The following MASP1 variants were observed in gnomAD, a reference collection of about 807,000 sequenced individuals.
The protein encoded by MASP1 is MBL associated serine protease 1, also known as mannan-binding lectin serine protease 1.
A neutral mutation model predicts 77.1 loss-of-function variants in MASP1; 59 were observed. The ratio of observed to expected loss-of-function variants is 0.77; its 90% CI spans 0.62 to 0.95. MASP1 has a LOEUF of 0.95. Among genes scored for constraint, MASP1 ranks in the 40% least tolerant of loss-of-function variants. The pLI, the probability that MASP1 is intolerant of heterozygous loss-of-function variation, is 0.00. For synonymous variants in MASP1, 362 were observed against 354.5 expected (o/e 1.02, Z -0.24); for missense variants, 885 against 912.9 (o/e 0.97, Z 0.39).
chr3:187,254,126 G>A (rs527812165), intron 5 of MASP1, among the ~76,000 whole-genome samples: 5 of 151,932 alleles, frequency 3.3e-5, no homozygotes, highest in African/African-American at 9.7e-5. Flanking sequence ...CTAGTTGGGG[G>A]GACTAATAAG....
exon 16 of MASP1, chr3:187,217,973 A>T (rs1462498926): frequency 6.6e-6 from 1 of 152,224 alleles, no homozygotes; most frequent in Non-Finnish European, 1.5e-5. Context: ...TCCACTGGAC[A>T]TGTGTTTTTG....
intron 1 of MASP1, among the ~76,000 whole-genome samples, chr3:187,290,159 AG>A (rs1427132980): frequency 6.6e-6 from 1 of 152,242 alleles, no homozygotes; most frequent in Non-Finnish European, 1.5e-5. Context: ...CATTTAAACA[AG>A]GGGATACTAC....
At chr3:187,261,685 A>G (rs181178462) in intron 3 of MASP1, among the ~76,000 whole-genome samples, 2 of 152,372 alleles carry the variant, frequency 1.3e-5, no homozygotes, top group East Asian at 3.9e-4. Context: ...AGCTAAACGT[A>G]TACCTATCCT....
exon 15 of MASP1, chr3:187,221,113 G>A (rs1712034599): frequency 2.5e-6 from 4 of 1,613,860 alleles, no homozygotes; most frequent in Non-Finnish European, 3.4e-6. Flanking sequence ...CAGGTGCTGT[G>A]GTCAACAATC....
intron 10 of MASP1, among the ~76,000 whole-genome samples, chr3:187,239,344 C>T (rs1464186265): frequency 6.6e-6 from 1 of 152,112 alleles, no homozygotes; most frequent in Admixed American, 6.5e-5. Context: ...AAGAGCGAAA[C>T]TCTGTCTCAA....
chr3:187,219,999 T>C (rs1210659370), exon 16 of MASP1: 3 of 1,525,874 alleles, frequency 2.0e-6, no homozygotes, highest in Admixed American at 1.7e-5. Flanking sequence ...GAGAAATGGC[T>C]GCTTTCATCG....
chr3:187,247,167 C>A, intron 8 of MASP1: 16 of 1,504,338 alleles, frequency 1.1e-5, no homozygotes, highest in Non-Finnish European at 1.4e-5. Context: ...CTTTCACACA[C>A]GTAGCAGCTT....
intron 2 of MASP1, among the ~76,000 whole-genome samples, chr3:187,282,218 G>A (rs1717473205): frequency 6.6e-6 from 1 of 152,140 alleles, no homozygotes; most frequent in African/African-American, 2.4e-5. Context: ...AGAAGAAAAT[G>A]TGGGCCGGGT....
chr3:187,229,157 G>A (rs1012149990), downstream of MASP1, among the ~76,000 whole-genome samples: 4 of 152,184 alleles, frequency 2.6e-5, no homozygotes, highest in East Asian at 1.9e-4. Flanking sequence ...GAGAGCCATC[G>A]GCTGTTCTCA....
intron 5 of MASP1, among the ~76,000 whole-genome samples, chr3:187,254,171 G>C (rs1714871120): frequency 6.6e-6 from 1 of 152,028 alleles, no homozygotes; most frequent in African/African-American, 2.4e-5. Context: ...GCTGTCATAA[G>C]GGTTATAAAA....
At chr3:187,251,576 C>G (rs1379322675) in intron 7 of MASP1, 58 bp downstream of exon 7, 6 of 1,386,436 alleles carry the variant, frequency 4.3e-6, no homozygotes, top group Non-Finnish European at 5.1e-6. Flanking sequence ...TGGGGAGGGG[C>G]AGGTTTCGAG....
chr3:187,243,923 A>G lies in MASP1; in HGVS notation c.1091-302T>C. 7.0e-6 allele frequency: 3 copies of G among 429,298 alleles called. No individual in the cohort carries two copies. The South Asian group carries it at 7.4e-5, about 11-fold the overall frequency. 26.6% of individuals were successfully genotyped at this position (429,298 alleles called of 1,614,324 possible). A position where few individuals can be genotyped will look rare whatever the true frequency, so the allele number is the denominator to read the frequency against. On this transcript the variant is annotated intron_variant, in intron 8 of 10. Transcript: ENST00000296280. Reference sequence around the variant, plus strand: ...AGGTTTAAGCAGACTCCAGTCTTTTACCCACCAGGGCCTCTTTCTTTTACT... The same window carrying G: ...AGGTTTAAGCAGACTCCAGTCTTTTGCCCACCAGGGCCTCTTTCTTTTACT...
rs770261773 is a variant in MASP1 at position 187,234,272 on chromosome 3, C to T, written c.*1412G>A. 1.6e-5 allele frequency: 20 copies of T among 1,287,114 alleles called. 1 individual carries two copies. In the South Asian group the frequency reaches 2.5e-4, roughly 16 times the overall value. 79.7% of individuals were successfully genotyped at this position (1,287,114 alleles called of 1,614,324 possible). The stretch of plus-strand genomic sequence containing the variant: ...AGAAAGTGGACACTTCCCAATCATT[C>T]CCTCTCAGGGGCTTCTCTGGCTGCC... On this transcript the variant is annotated 3_prime_UTR_variant, in exon 11 of 11. Transcript: ENST00000296280.
chr3:187,232,222 C>A (rs189070513), downstream of MASP1, among the ~76,000 whole-genome samples: 1 of 150,434 alleles, frequency 6.6e-6, no homozygotes, highest in East Asian at 2.0e-4. Context: ...TGTTTCTGAT[C>A]CCTTCCCCCC....
chr3:187,247,074 G>T (rs1714145811), intron 8 of MASP1: 2 of 1,391,490 alleles, frequency 1.4e-6, no homozygotes, highest in Admixed American at 6.0e-5. Context: ...ACTCAGAGGT[G>T]CTAAAATAAA....
chr3:187,231,280 C>T (rs1712748397), downstream of MASP1, among the ~76,000 whole-genome samples: 1 of 152,202 alleles, frequency 6.6e-6, no homozygotes, highest in African/African-American at 2.4e-5. Context: ...TTGTATTTTT[C>T]ATCTCTCCTT....
intron 2 of MASP1, among the ~76,000 whole-genome samples, chr3:187,283,431 G>A (rs1394066844): frequency 6.6e-6 from 1 of 152,212 alleles, no homozygotes; most frequent in Non-Finnish European, 1.5e-5. Flanking sequence ...CCTCTCTTGT[G>A]TGTTTATCAT....
chr3:187,225,293 G>A (rs202196592), intron 13 of MASP1: 19 of 1,610,506 alleles, frequency 1.2e-5, no homozygotes, highest in East Asian at 6.7e-5. Flanking sequence ...GGCACCAGCT[G>A]CCCTGCAGAG....
Position 187,234,988 on chromosome 3 carries a change from T to G in MASP1, c.*696A>C. ...CTTGGTGGGCCTCCCACGGCTATTC[T>G]GCTCCCAGCAGTCAGCACAAACCTT... is the stretch of plus-strand genomic sequence containing the variant. On this transcript the variant is annotated 3_prime_UTR_variant, in exon 11 of 11. Coordinates refer to ENST00000296280, the MANE Select transcript of MASP1 (RefSeq NM_139125.4). 7.8e-7 allele frequency: 1 copy of G among 1,287,264 alleles called. No homozygotes were observed. Among genetic ancestry groups the G allele is most frequent in the South Asian group, 1.2e-5 (1 of 80,942 alleles). 79.7% of individuals were successfully genotyped at this position (1,287,264 alleles called of 1,614,324 possible).
Sources: allele counts gnomAD v4.1 joint callset (sites outside exome capture counted in the v4.1 genomes callset), GRCh38; gene constraint gnomAD v4.1.1; transcripts MANE v1.5; gene names NCBI Gene and HGNC (gene_info 2026-07-23, HGNC 2026-07-21).